Variants in MAPK10 observed in about 807,000 individuals in gnomAD.
The protein encoded by MAPK10 is mitogen-activated protein kinase 10.
Under a neutral mutation model 59.3 loss-of-function variants are expected in MAPK10, and 25 were observed. The observed-to-expected ratio is 0.42, with a 90% CI of 0.31 to 0.59. MAPK10 has a LOEUF of 0.59. Among genes scored for constraint, MAPK10 ranks in the 20% least tolerant of loss-of-function variants. MAPK10 has a pLI of 0.15. For synonymous variants in MAPK10, 190 were observed against 200.5 expected (o/e 0.95, Z 0.44); for missense variants, 351 against 568.9 (o/e 0.62, Z 3.90).
intron 1 of MAPK10, chr4:86,370,936 G>T (rs1738666041): frequency 6.6e-6 from 1 of 152,140 alleles, no homozygotes; most frequent in South Asian, 2.1e-4. Context: ...GATTTCATAA[G>T]AATAGACTTA....
chr4:86,295,495 G>C lies in MAPK10; in HGVS notation c.-7+59035C>G, dbSNP rs532311951. Among the ~76,000 whole-genome samples the C allele has an allele frequency of 3.8e-3, 571 of 151,962 alleles. 4 individuals are homozygous for C. The highest frequency in any genetic ancestry group is 5.2e-3 in the Non-Finnish European group (353 of 67,996). ...TCCCTACATTATAACCTTCATGAAG[G>C]CAGGGGTTTTTGTTCTGTGTTCACT... is the stretch of plus-strand genomic sequence containing the variant. On this transcript the variant is annotated intron_variant, in intron 2 of 13. Transcript: ENST00000641462.
intron 12 of MAPK10, among the ~76,000 whole-genome samples, chr4:86,030,626 C>T (rs2038818461): frequency 6.6e-6 from 1 of 152,154 alleles, no homozygotes; most frequent in Non-Finnish European, 1.5e-5. Context: ...AGTCATCGCT[C>T]CTGGCCCTGT....
At chr4:86,567,806 T>C (rs534585364) in intron 1 of MAPK10, among the ~76,000 whole-genome samples, 3 of 152,356 alleles carry the variant, frequency 2.0e-5, no homozygotes, top group African/African-American at 7.2e-5. Context: ...ATTTATTTTT[T>C]CTTAGGGAAG....
chr4:86,206,317 T>C (rs904374810), intron 2 of MAPK10, among the ~76,000 whole-genome samples: 35 of 152,014 alleles, frequency 2.3e-4, no homozygotes, highest in African/African-American at 8.2e-4. Flanking sequence ...GTTCTTGCGA[T>C]AGTTTACTGA....
chr4:86,243,532 T>C (rs777048055), intron 2 of MAPK10, among the ~76,000 whole-genome samples: 15 of 152,140 alleles, frequency 9.9e-5, no homozygotes, highest in Non-Finnish European at 1.6e-4. Flanking sequence ...ACCTCACTCA[T>C]TACACTCTAG....
intron 2 of MAPK10, among the ~76,000 whole-genome samples, chr4:86,317,297 G>A (rs1031827111): frequency 6.6e-6 from 1 of 152,120 alleles, no homozygotes; most frequent in African/African-American, 2.4e-5. Flanking sequence ...CCATGCATCT[G>A]AGGTTCCTTC....
At chr4:86,334,569 A>G (rs1719910985) in intron 2 of MAPK10, among the ~76,000 whole-genome samples, 1 of 151,912 alleles carries the variant, frequency 6.6e-6, no homozygotes, top group Non-Finnish European at 1.5e-5. Context: ...CTCTTACACA[A>G]CTTTCATCTC....
intron 1 of MAPK10, among the ~76,000 whole-genome samples, chr4:86,428,194 A>C (rs1747558325): frequency 6.6e-6 from 1 of 151,638 alleles, no homozygotes; most frequent in Non-Finnish European, 1.5e-5. Context: ...AGGCTGGAGC[A>C]GCAAAGTGGT....
chr4:86,118,544 G>T (rs1048848685), intron 4 of MAPK10, among the ~76,000 whole-genome samples: 1 of 149,330 alleles, frequency 6.7e-6, no homozygotes, highest in South Asian at 2.1e-4. Context: ...ATAAAGCTAT[G>T]TTTACCTCCT....
chr4:86,296,282 A>G (rs2095360915), intron 2 of MAPK10, among the ~76,000 whole-genome samples: 2 of 152,026 alleles, frequency 1.3e-5, no homozygotes, highest in Admixed American at 6.5e-5. Context: ...TGTGGGAAAC[A>G]GGAGAAAATT....
chr4:86,204,747 T>C (rs1016208410), intron 2 of MAPK10, among the ~76,000 whole-genome samples: 1 of 152,004 alleles, frequency 6.6e-6, no homozygotes, highest in Non-Finnish European at 1.5e-5. Context: ...TAAGAAATTG[T>C]ATCACAGGAA....
chr4:86,349,498 C>A (rs898228480), intron 2 of MAPK10, among the ~76,000 whole-genome samples: 1 of 152,048 alleles, frequency 6.6e-6, no homozygotes, highest in East Asian at 1.9e-4. Context: ...CAAAATACCC[C>A]CTGGCTAAGG....
At chr4:86,092,205 C>A (rs1157096622) in intron 9 of MAPK10, among the ~76,000 whole-genome samples, 1 of 151,992 alleles carries the variant, frequency 6.6e-6, no homozygotes, top group Non-Finnish European at 1.5e-5. Context: ...ATTTCATTTT[C>A]TTTATTTTAA....
chr4:86,133,788 A>G (rs559624026), intron 4 of MAPK10, among the ~76,000 whole-genome samples: 1 of 152,224 alleles, frequency 6.6e-6, no homozygotes, highest in South Asian at 2.1e-4. Flanking sequence ...AGTTGAGGAG[A>G]TAACCCATTC....
At chr4:86,323,172 C>A (rs1219049356) in intron 2 of MAPK10, among the ~76,000 whole-genome samples, 3 of 152,078 alleles carry the variant, frequency 2.0e-5, no homozygotes, top group Admixed American at 6.5e-5. Context: ...GCAGAGGGAG[C>A]CTCCGTCTCA....
chr4:86,151,129 G>A (rs529088150), intron 4 of MAPK10, among the ~76,000 whole-genome samples: 20 of 152,298 alleles, frequency 1.3e-4, no homozygotes, highest in African/African-American at 4.6e-4. Flanking sequence ...ACACAGGTGG[G>A]TGGCCAGCCT....
At chr4:86,075,182 G>A (rs376682077) in intron 9 of MAPK10, among the ~76,000 whole-genome samples, 4 of 151,880 alleles carry the variant, frequency 2.6e-5, no homozygotes, top group Non-Finnish European at 4.4e-5. Flanking sequence ...CCAGTTGATC[G>A]CATCGGCTCC....
chr4:86,172,231 C>A (rs1379707918), intron 3 of MAPK10, among the ~76,000 whole-genome samples: 1 of 141,726 alleles, frequency 7.1e-6, no homozygotes, highest in Non-Finnish European at 1.5e-5. Flanking sequence ...TGGGTATATA[C>A]CCAAAGGACT....
At chr4:86,572,932 ATCT>A (rs1761578132) in intron 1 of MAPK10, among the ~76,000 whole-genome samples, 2 of 152,184 alleles carry the variant, frequency 1.3e-5, no homozygotes, top group African/African-American at 4.8e-5. Flanking sequence ...CTATCTGGAT[ATCT>A]TCTTTAGTAA....
Sources: allele counts gnomAD v4.1 joint callset (sites outside exome capture counted in the v4.1 genomes callset), GRCh38; gene constraint gnomAD v4.1.1; transcripts MANE v1.5; gene names NCBI Gene and HGNC (gene_info 2026-07-23, HGNC 2026-07-21).